NCKAP5: variants seen among roughly 807,000 people sequenced by gnomAD.
The protein encoded by NCKAP5 is NCK associated protein 5.
Under a neutral mutation model 167.0 loss-of-function variants are expected in NCKAP5, and 92 were observed. The observed-to-expected ratio is 0.55, with a 90% confidence interval of 0.47 to 0.66. The LOEUF is 0.66. NCKAP5 is among the 30% of genes least tolerant of loss of function. NCKAP5 has a pLI of 0.00. For missense variants in NCKAP5, 2,378 were observed against 2,315.0 expected, an observed-to-expected ratio of 1.03 and a Z score of -0.56; for synonymous variants, 891 against 877.4, an observed-to-expected ratio of 1.02 and a Z score of -0.27.
intron 4 of NCKAP5, among the ~76,000 whole-genome samples, chr2:133,253,910 T>C (rs1257931448): frequency 1.3e-5 from 2 of 152,192 alleles, no homozygotes; most frequent in Admixed American, 6.5e-5. Context: ...GACTCCAGCA[T>C]GTTCTTTAAA....
At chr2:133,625,970 T>C in the NCKAP5 span, among the ~76,000 whole-genome samples, 1 of 152,152 alleles carries the variant, frequency 6.6e-6, no homozygotes, top group Non-Finnish European at 1.5e-5. Flanking sequence ...TTTTTAAACT[T>C]AATTGGTCGC....
intron 6 of NCKAP5, among the ~76,000 whole-genome samples, chr2:133,041,515 T>C (rs550275836): frequency 6.6e-6 from 1 of 152,336 alleles, no homozygotes; most frequent in Non-Finnish European, 1.5e-5. Flanking sequence ...CTTTGAATGA[T>C]ATATTTATAC....
rs200058564 is a variant in NCKAP5, at chr2:133,308,221, T to G, written c.70-5111A>C. 8.3e-4 allele frequency among the ~76,000 whole-genome samples: 125 copies of G among 151,236 alleles called. No homozygotes were observed. The East Asian group carries it at 0.02, about 24-fold the overall frequency. Reference sequence around the variant, plus strand: ...CTCCCACCTCAGCCTCCCGAGTAGCTGGGACTACAGGCGCCCGCCACCACG... The same window carrying G: ...CTCCCACCTCAGCCTCCCGAGTAGCGGGGACTACAGGCGCCCGCCACCACG... On this transcript the variant is annotated intron_variant, in intron 3 of 19. Transcript: ENST00000409261.
chr2:133,179,053 A>C (rs1229360135), intron 5 of NCKAP5, among the ~76,000 whole-genome samples: 1 of 152,080 alleles, frequency 6.6e-6, no homozygotes, highest in Non-Finnish European at 1.5e-5. Context: ...ATGTAGACCT[A>C]GCTACTCAGG....
intron 11 of NCKAP5, among the ~76,000 whole-genome samples, chr2:132,811,115 T>TG (rs1390127570): frequency 2.0e-5 from 3 of 152,194 alleles, no homozygotes. Context: ...TCCTGTGAGA[T>TG]GAAACGTCTA....
chr2:133,140,385 T>C (rs931733564), intron 5 of NCKAP5, among the ~76,000 whole-genome samples: 8 of 152,158 alleles, frequency 5.3e-5, no homozygotes, highest in African/African-American at 1.9e-4. Flanking sequence ...TCTGTTCCTT[T>C]TCTGTCTGTA....
At chr2:133,055,092 G>T (rs1291662197) in intron 6 of NCKAP5, among the ~76,000 whole-genome samples, 1 of 152,094 alleles carries the variant, frequency 6.6e-6, no homozygotes, top group African/African-American at 2.4e-5. Context: ...GTGAGTAGTG[G>T]TGGTATCACA....
At chr2:133,475,511 A>G (rs1224767844) in intron 3 of NCKAP5, among the ~76,000 whole-genome samples, 1 of 152,238 alleles carries the variant, frequency 6.6e-6, no homozygotes, top group Non-Finnish European at 1.5e-5. Flanking sequence ...TTTCTAATGT[A>G]GTATGCCTAT....
At chr2:133,078,954 T>C (rs79647273) in intron 6 of NCKAP5, among the ~76,000 whole-genome samples, 3,327 of 152,186 alleles carry the variant, frequency 0.022, 125 homozygotes, top group African/African-American at 0.075. Flanking sequence ...AAGGAAGACA[T>C]GGGATCATAA....
chr2:133,162,678 TG>T (rs1436153053), intron 5 of NCKAP5, among the ~76,000 whole-genome samples: 4 of 152,246 alleles, frequency 2.6e-5, no homozygotes, highest in South Asian at 2.1e-4. Flanking sequence ...GATGCAACAT[TG>T]TTTTTTTTTG....
intron 6 of NCKAP5, among the ~76,000 whole-genome samples, chr2:133,026,361 A>G (rs1296900288): frequency 6.8e-6 from 1 of 146,042 alleles, no homozygotes; most frequent in Admixed American, 7.1e-5. Flanking sequence ...GTCACAGTCA[A>G]CTAAATCTGT....
intron 8 of NCKAP5, among the ~76,000 whole-genome samples, chr2:132,893,881 C>G (rs1177798280): frequency 6.6e-6 from 1 of 151,660 alleles, no homozygotes; most frequent in East Asian, 1.9e-4. Context: ...AAACATATTT[C>G]ACACACACAC....
chr2:133,256,810 G>T (rs1304749782), intron 4 of NCKAP5, among the ~76,000 whole-genome samples: 1 of 152,132 alleles, frequency 6.6e-6, no homozygotes, highest in East Asian at 1.9e-4. Flanking sequence ...ATGTGCTCAG[G>T]TAAGTGCCCT....
At chr2:132,852,968 T>C (rs1574423637) in intron 11 of NCKAP5, among the ~76,000 whole-genome samples, 1 of 152,236 alleles carries the variant, frequency 6.6e-6, no homozygotes, top group South Asian at 2.1e-4. Flanking sequence ...ACTATCTCTG[T>C]GTCCTCAGGA....
intron 3 of NCKAP5, among the ~76,000 whole-genome samples, chr2:133,386,503 GC>G (rs1197429331): frequency 3.3e-5 from 5 of 152,220 alleles, no homozygotes; most frequent in African/African-American, 9.6e-5. Context: ...GTGGTGTGGT[GC>G]TGAGAAGAAT....
chr2:132,718,418 C>T (rs920845269), intron 19 of NCKAP5, among the ~76,000 whole-genome samples: 4 of 152,200 alleles, frequency 2.6e-5, no homozygotes, highest in Admixed American at 1.3e-4. Context: ...GAGTGGTTCT[C>T]TGTGACAGTA....
chr2:132,883,867 G>A (rs1691992994), intron 8 of NCKAP5, among the ~76,000 whole-genome samples: 1 of 152,210 alleles, frequency 6.6e-6, no homozygotes, highest in Admixed American at 6.5e-5. Context: ...TCTTTGGCAG[G>A]TGCTTGAAAA....
intron 4 of NCKAP5, among the ~76,000 whole-genome samples, chr2:133,292,641 G>A (rs1356984956): frequency 2.6e-5 from 4 of 152,278 alleles, no homozygotes; most frequent in Middle Eastern, 3.4e-3. Context: ...CCCCCAAATC[G>A]TATTGATGTT....
At chr2:133,585,781 T>C in the NCKAP5 span, among the ~76,000 whole-genome samples, 1 of 152,222 alleles carries the variant, frequency 6.6e-6, no homozygotes, top group African/African-American at 2.4e-5. Context: ...GTTAATTATC[T>C]ACCCCTACTC....
Sources: allele counts gnomAD v4.1 joint callset (sites outside exome capture counted in the v4.1 genomes callset), GRCh38; gene constraint gnomAD v4.1.1; transcripts MANE v1.5; gene names NCBI Gene and HGNC (gene_info 2026-07-23, HGNC 2026-07-21).